SSC4D: variants seen among roughly 807,000 people sequenced by gnomAD.
SSC4D encodes scavenger receptor cysteine rich family member with 4 domains.
SSC4D carries 57 observed loss-of-function variants against 63.4 expected under a neutral mutation model. The ratio of observed to expected loss-of-function variants is 0.90; its 90% CI spans 0.73 to 1.12. The LOEUF (loss-of-function observed/expected upper bound fraction) is 1.12. Among genes scored for constraint, SSC4D ranks in the 50% most tolerant of loss-of-function variants. SSC4D has a pLI of 0.00. For synonymous variants in SSC4D, 352 were observed against 345.4 expected (o/e 1.02, Z -0.21); for missense variants, 791 against 806.4 (o/e 0.98, Z 0.23).
Position 76,397,559 on chromosome 7 carries a change from T to C in SSC4D, c.827A>G (p.His276Arg). ...CGCGTCCTCGTGGTGGCCGCAGTTG[T>C]GCACACCCCAGCCCAGGCTCTGGCA... is the stretch of plus-strand genomic sequence containing the variant. Reference protein sequence around the residue: ...AACQSLGWGVHNCGHHEDAGA... With the variant: ...AACQSLGWGVRNCGHHEDAGA... Residue 276 changes from histidine (H) to arginine (R), a missense_variant, in exon 6 of 11, where the codon CAC (histidine) becomes CGC (arginine). By Grantham distance (29) the His-to-Arg change is conservative. Coordinates refer to ENST00000275560, the MANE Select transcript of SSC4D (RefSeq NM_080744.2). 6.2e-7 allele frequency: 1 copy of C among 1,603,836 alleles called. No individual in the cohort carries two copies. The highest frequency in any genetic ancestry group is 8.5e-7 in the Non-Finnish European group (1 of 1,175,562).
Position 76,404,337 on chromosome 7 carries a change from C to A in SSC4D, c.103G>T (p.Ala35Ser). The A allele has an allele frequency of 6.2e-7, 1 of 1,610,788 alleles. No homozygotes were observed. Among genetic ancestry groups the A allele is most frequent in the Non-Finnish European group, 8.5e-7 (1 of 1,178,524 alleles). The change falls in exon 2 of 11, where the codon GCC becomes TCC. Residue 35 changes from alanine (A) to serine (S), a missense_variant. Ala to Ser is a moderately conservative substitution (Grantham distance 99, BLOSUM62 1). Transcript: ENST00000275560. ...GSAAPPFLPQ[A>S]LSFLLLLPLA... ...GGCAGGAGGAGAAGGAAAGACAGGG[C>A]TTGGGGGAGGAAGGGAGGGGCAGCA...
intron 9 of SSC4D, among the ~76,000 whole-genome samples, chr7:76,393,201 C>T (rs1432958630): frequency 2.0e-5 from 3 of 152,096 alleles, no homozygotes; most frequent in Non-Finnish European, 4.4e-5. Context: ...CCCCATTTTC[C>T]ACTGCAGAAG....
chr7:76,405,294 TA>T (rs1804967860), intron 1 of SSC4D, among the ~76,000 whole-genome samples: 7 of 53,092 alleles, frequency 1.3e-4, no homozygotes, highest in African/African-American at 4.8e-4. Flanking sequence ...TATATATATA[TA>T]TATATATATA....
intron 2 of SSC4D, 70 bp from the exon 3 acceptor site, chr7:76,401,113 C>G: frequency 6.8e-7 from 1 of 1,472,068 alleles, no homozygotes; most frequent in Non-Finnish European, 9.0e-7. Context: ...AGGAACACAC[C>G]CCCCAACTCC....
At chr7:76,394,748 A>AATATATATATATATATATAT (rs35943058) in intron 7 of SSC4D, among the ~76,000 whole-genome samples, 24 of 131,288 alleles carry the variant, frequency 1.8e-4, no homozygotes, top group African/African-American at 6.5e-4. Context: ...ATGTATGTAT[A>AATATATATATATATATATAT]ATATATATAT....
intron 2 of SSC4D, among the ~76,000 whole-genome samples, chr7:76,403,579 G>A (rs1399902778): frequency 1.3e-5 from 2 of 150,964 alleles, no homozygotes; most frequent in Non-Finnish European, 3.0e-5. Context: ...CTCATGATCC[G>A]CCCTCCTCAG....
intron 4 of SSC4D, 141 bp downstream of exon 4, chr7:76,400,145 C>G: frequency 1.0e-6 from 1 of 975,616 alleles, no homozygotes; most frequent in Non-Finnish European, 1.4e-6. Context: ...TGGGGTTCTT[C>G]CCTGGCACCA....
intron 1 of SSC4D, among the ~76,000 whole-genome samples, chr7:76,407,349 T>G (rs1479628783): frequency 2.0e-5 from 3 of 148,058 alleles, no homozygotes; most frequent in African/African-American, 7.5e-5. Flanking sequence ...TTTTTTTTTT[T>G]GAGACAGAGT....
chr7:76,406,033 T>C (rs1451026971), intron 1 of SSC4D, among the ~76,000 whole-genome samples: 3 of 151,950 alleles, frequency 2.0e-5, no homozygotes, highest in African/African-American at 7.3e-5. Context: ...TCGTCCAGGC[T>C]GGAATGCAAT....
Position 76,393,561 on chromosome 7 carries a change from C to A in SSC4D, c.1177G>T (p.Ala393Ser). The part of the protein sequence containing the change: ...REAGCGPALG[A>S]TGLGHFGYGR... ...TAGCCGAAGTGGCCCAGTCCCGTAG[C>A]GCCCAGCGCAGGCCCGCAGCCCGCT... is the stretch of plus-strand genomic sequence containing the variant. Residue 393 changes from alanine to serine, a missense_variant, in exon 9 of 11, where the codon GCT becomes TCT. By Grantham distance (99) the Ala-to-Ser change is moderately conservative. Transcript: ENST00000275560. The A allele has an allele frequency of 6.6e-7, 1 of 1,517,612 alleles. No individual in the cohort carries two copies. The allele number at this position is 1,517,612 out of a possible 1,614,324, so 94.0% of individuals were successfully genotyped here.
At chr7:76,393,178 TCACCAGG>T (rs1218664704) in intron 9 of SSC4D, among the ~76,000 whole-genome samples, 1 of 151,774 alleles carries the variant, frequency 6.6e-6, no homozygotes, top group Non-Finnish European at 1.5e-5. Flanking sequence ...CACGCGGCGC[TCACCAGG>T]CCCCGCCCCA....
chr7:76,390,423 C>A, intron 10 of SSC4D, 48 bp from the exon 11 acceptor site: 1 of 1,514,528 alleles, frequency 6.6e-7, no homozygotes, highest in African/African-American at 1.4e-5. Context: ...CATGCCAGGC[C>A]ACTCCCAAGC....
intron 1 of SSC4D, among the ~76,000 whole-genome samples, chr7:76,405,270 A>AC (rs1563686732): frequency 5.4e-5 from 1 of 18,590 alleles, no homozygotes; most frequent in African/African-American, 1.7e-4. Context: ...CACCCAGCTA[A>AC]TTATATATAT....
chr7:76,394,694 C>T (rs554858271), intron 7 of SSC4D, among the ~76,000 whole-genome samples: 3 of 147,418 alleles, frequency 2.0e-5, no homozygotes, highest in Non-Finnish European at 4.5e-5. Flanking sequence ...TCCCAAAGTG[C>T]TGGGATTACA....
At chr7:76,404,684 A>G (rs1250822620) in intron 1 of SSC4D, among the ~76,000 whole-genome samples, 179 bp from the exon 2 acceptor site, 3 of 151,988 alleles carry the variant, frequency 2.0e-5, no homozygotes, top group African/African-American at 7.2e-5. Flanking sequence ...TAATCCCAGC[A>G]CTTTGGGAGG....
chr7:76,398,905 C>A, intron 4 of SSC4D, 108 bp from the exon 5 acceptor site: 1 of 1,091,990 alleles, frequency 9.2e-7, no homozygotes, highest in South Asian at 1.4e-5. Flanking sequence ...GCCGCCAGAG[C>A]CTCTGGCCAC....
Position 76,400,448 on chromosome 7 carries a change from G to A in SSC4D, c.313C>T (p.Leu105=). The A allele has an allele frequency of 6.2e-7, 1 of 1,608,928 alleles. No individual in the cohort carries two copies. Among genetic ancestry groups the A allele is most frequent in the Non-Finnish European group, 8.5e-7 (1 of 1,177,344 alleles). Residue 105 remains leucine (L), a synonymous_variant, in exon 4 of 11, where the codon CTG becomes TTG. Transcript: ENST00000275560. ...VCRQLGCGLA[L]PVPRPLAFGQ... The stretch of plus-strand genomic sequence containing the variant: ...AAGGCAAGGGGCCGTGGCACGGGCA[G>A]TGCCAGGCCACAGCCCAGCTGGCGA...
chr7:76,395,425 A>G (rs1804614236), intron 6 of SSC4D, 95 bp from the exon 7 acceptor site: 1 of 1,272,494 alleles, frequency 7.9e-7, no homozygotes, highest in African/African-American at 1.5e-5. Flanking sequence ...GTCTGCCTGG[A>G]GGAGAGAATA....
At chr7:76,401,614 G>A (rs1031318006) in intron 2 of SSC4D, among the ~76,000 whole-genome samples, 1 of 151,978 alleles carries the variant, frequency 6.6e-6, no homozygotes, top group Non-Finnish European at 1.5e-5. Context: ...ATGGGGTTTC[G>A]CCATGTTGGC....
Sources: gnomAD v4.1 joint callset for allele counts (sites outside exome capture counted in the v4.1 genomes callset) on GRCh38, gnomAD v4.1.1 for gene constraint, MANE v1.5 for transcripts, NCBI Gene and HGNC (gene_info 2026-07-23, HGNC 2026-07-21) for gene names.